ITPR2: variants seen among roughly 807,000 people sequenced by gnomAD.
ITPR2 encodes the protein inositol 1,4,5-trisphosphate-gated calcium channel ITPR2.
In ITPR2, 207 loss-of-function variants were observed where a neutral mutation model predicts 317.1. That is an observed-to-expected ratio of 0.65 (90% CI 0.58 to 0.73). ITPR2 has a LOEUF of 0.73. Ranked by LOEUF, ITPR2 falls within the 30% of genes least tolerant of loss-of-function variation. The pLI is 0.00. For synonymous variants in ITPR2, 1,156 were observed against 1,149.1 expected (o/e 1.01, Z -0.12); for missense variants, 2,613 against 3,284.0 (o/e 0.80, Z 4.99).
At chr12:26,801,687 C>A (rs1179439191) in intron 1 of ITPR2, among the ~76,000 whole-genome samples, 1 of 152,142 alleles carries the variant, frequency 6.6e-6, no homozygotes, top group Non-Finnish European at 1.5e-5. Flanking sequence ...TAAGATACCC[C>A]TAGTTTTTTC....
intron 45 of ITPR2, among the ~76,000 whole-genome samples, chr12:26,472,837 G>A (rs962825638): frequency 2.0e-5 from 3 of 151,310 alleles, no homozygotes; most frequent in East Asian, 1.9e-4. Context: ...ATGTATCATC[G>A]TCTTTTTAAA....
Position 26,486,368 on chromosome 12 carries a change from C to T in ITPR2, c.5555-8G>A, listed in dbSNP as rs200449631. ...GTAGTGTTGAATCTCTTACTGAAAA[C>T]AAAGCAGTACTTTTATATTTCTGAA... On this transcript the variant is annotated splice_polypyrimidine_tract_variant and splice_region_variant and intron_variant, in intron 40 of 56. Coordinates refer to ENST00000381340, the MANE Select transcript of ITPR2 (RefSeq NM_002223.4). 5.8e-6 allele frequency: 9 copies of T among 1,562,840 alleles called. No individual in the cohort carries two copies. The highest frequency in any genetic ancestry group is 1.7e-5 in the Admixed American group (1 of 58,298).
chr12:26,595,361 A>G, intron 32 of ITPR2, 104 bp downstream of exon 32: 1 of 1,093,974 alleles, frequency 9.1e-7, no homozygotes, highest in Non-Finnish European at 1.3e-6. Context: ...TGAATGCAAC[A>G]AATCAAAAGG....
At chr12:26,647,272 G>A (rs947359546) in intron 21 of ITPR2, among the ~76,000 whole-genome samples, 1 of 152,186 alleles carries the variant, frequency 6.6e-6, no homozygotes, top group African/African-American at 2.4e-5. Flanking sequence ...CTAACCACAT[G>A]CATATTCACA....
intron 55 of ITPR2, among the ~76,000 whole-genome samples, chr12:26,379,840 A>G (rs934954596): frequency 2.6e-5 from 4 of 152,216 alleles, no homozygotes; most frequent in Non-Finnish European, 4.4e-5. Context: ...TGGAAATCCT[A>G]AGAAATCAAA....
chr12:26,810,596 A>G (rs1950718252), intron 1 of ITPR2, among the ~76,000 whole-genome samples: 1 of 152,232 alleles, frequency 6.6e-6, no homozygotes, highest in Non-Finnish European at 1.5e-5. Flanking sequence ...AGCGTTGCCT[A>G]AAGACTTGCT....
In ITPR2 at chr12:26,440,921, C is replaced by T. The variant is rs139215476; in HGVS notation, c.6451-1602G>A. On this transcript the variant is annotated intron_variant, in intron 46 of 56. Coordinates refer to ENST00000381340, the MANE Select transcript of ITPR2 (RefSeq NM_002223.4). The stretch of plus-strand genomic sequence containing the variant: ...CTGAAGGAAATGGAGGTGTGTTAAC[C>T]GCAAAAAGCCAGAGATGGATAATTT... Among the ~76,000 whole-genome samples the T allele has an allele frequency of 2.1e-3, 314 of 152,058 alleles. 2 individuals carry two copies. The highest frequency in any genetic ancestry group is 7.1e-3 in the African/African-American group (295 of 41,482).
chr12:26,438,749 A>G (rs1941418357), intron 47 of ITPR2, among the ~76,000 whole-genome samples: 1 of 152,220 alleles, frequency 6.6e-6, no homozygotes, highest in South Asian at 2.1e-4. Flanking sequence ...CAACAGAGGA[A>G]GAGTGCGCAG....
intron 2 of ITPR2, among the ~76,000 whole-genome samples, chr12:26,738,774 T>A (rs1278573429): frequency 6.6e-6 from 1 of 152,162 alleles, no homozygotes. Context: ...TTCTTTTCTT[T>A]CTCTTCCTTA....
Position 26,449,149 on chromosome 12 carries a change from G to A in ITPR2, c.6343-5499C>T, listed in dbSNP as rs1023649580. On this transcript the variant is annotated intron_variant, in intron 45 of 56. Transcript: ENST00000381340. The stretch of plus-strand genomic sequence containing the variant: ...TACTTTTCATCTGTATTTTTTTAAT[G>A]TGAGTTCCAATTTTATTAATTGGTA... Among the ~76,000 whole-genome samples the A allele has an allele frequency of 3.3e-4, 50 of 152,062 alleles. 1 individual carries two copies. Among genetic ancestry groups the A allele is most frequent in the African/African-American group, 1.2e-3 (49 of 41,490 alleles).
rs762858845 is a variant in ITPR2 at position 26,476,893 on chromosome 12, C to G, written c.6219+19G>C. 36 of 1,565,668 alleles carry G rather than the reference C, an allele frequency of 2.3e-5. No individual in the cohort carries two copies. The highest frequency in any genetic ancestry group is 3.4e-4 in the Middle Eastern group (2 of 5,962). On this transcript the variant is annotated intron_variant, in intron 44 of 56. Coordinates refer to ENST00000381340, the MANE Select transcript of ITPR2 (RefSeq NM_002223.4). ...TTTAGGCTACCCAATATTGACCAAG[C>G]TTTTAAAAGTTTTCTTACCAGTTCT...
intron 34 of ITPR2, among the ~76,000 whole-genome samples, chr12:26,567,306 C>T (rs1375564046): frequency 1.3e-5 from 2 of 152,192 alleles, no homozygotes; most frequent in African/African-American, 4.8e-5. Context: ...TCTCATCCAC[C>T]TCCAGAATCT....
intron 55 of ITPR2, among the ~76,000 whole-genome samples, chr12:26,343,289 A>G (rs575084613): frequency 6.6e-6 from 1 of 152,374 alleles, no homozygotes; most frequent in South Asian, 2.1e-4. Context: ...GATTGTGGAC[A>G]GAAAATAGAA....
At chr12:26,495,294 CT>C (rs1271046834) in intron 37 of ITPR2, 34 bp from the exon 38 acceptor site, 4 of 1,191,196 alleles carry the variant, frequency 3.4e-6, no homozygotes, top group African/African-American at 3.0e-5. Context: ...TTACTGTTCC[CT>C]TTTCTAATAA....
intron 37 of ITPR2, among the ~76,000 whole-genome samples, chr12:26,510,276 A>G (rs2344161): frequency 0.82 from 124,329 of 152,104 alleles, 51,137 homozygotes; most frequent in Non-Finnish European, 0.87. Flanking sequence ...AGGCTACTCC[A>G]CCCACCATCC....
chr12:26,607,858 A>G (rs1358227402), intron 26 of ITPR2, among the ~76,000 whole-genome samples: 3 of 152,164 alleles, frequency 2.0e-5, no homozygotes, highest in Non-Finnish European at 4.4e-5. Flanking sequence ...AGGCAGGCGG[A>G]TCACAAGGTC....
At chr12:26,486,427 C>A (rs376239453) in intron 40 of ITPR2, 67 bp from the exon 41 acceptor site, 80,053 of 770,548 alleles carry the variant, frequency 0.1, 3,305 homozygotes, top group Non-Finnish European at 0.13. Context: ...AAAAAAAAAA[C>A]AAACCAGGTA....
chr12:26,531,249 T>C (rs1355862155), intron 37 of ITPR2, among the ~76,000 whole-genome samples: 2 of 152,212 alleles, frequency 1.3e-5, no homozygotes, highest in Non-Finnish European at 2.9e-5. Flanking sequence ...CATAACACAC[T>C]ACAGCATTAA....
intron 2 of ITPR2, among the ~76,000 whole-genome samples, chr12:26,751,845 G>A (rs905388069): frequency 4.0e-5 from 6 of 149,468 alleles, no homozygotes; most frequent in African/African-American, 7.5e-5. Context: ...CAGCCTGGGC[G>A]ACAGAGCAAG....
Sources: gnomAD v4.1 joint callset for allele counts (sites outside exome capture counted in the v4.1 genomes callset) on GRCh38, gnomAD v4.1.1 for gene constraint, MANE v1.5 for transcripts, NCBI Gene and HGNC (gene_info 2026-07-23, HGNC 2026-07-21) for gene names.